The following CEP131 variants were observed in gnomAD, a reference collection of about 807,000 sequenced individuals.
The protein encoded by CEP131 is centrosomal protein of 131 kDa.
In CEP131, 99 loss-of-function variants were observed where a neutral mutation model predicts 136.8. The observed-to-expected ratio is 0.72, with a 90% confidence interval of 0.62 to 0.86. The LOEUF is 0.86. Among genes scored for constraint, CEP131 ranks in the 40% least tolerant of loss-of-function variants. The pLI is 0.00. For missense variants in CEP131, 1,459 were observed against 1,463.0 expected (o/e 1.00, Z 0.04); for synonymous variants, 646 against 612.7 (o/e 1.05, Z -0.80).
rs531414588 is a variant in CEP131, at chr17:81,192,224, A to G, written c.2622+94T>C. The stretch of plus-strand genomic sequence containing the variant: ...CCCAGAAACGAGCCCCCAGGATGCC[A>G]CAGCAGCAGCAAAACCCACCTGGGG... On this transcript the variant is annotated intron_variant, in intron 21 of 25. Coordinates refer to ENST00000450824, the MANE Select transcript of CEP131 (RefSeq NM_014984.4). 1.6e-4 allele frequency: 193 copies of G among 1,232,766 alleles called. No homozygotes were observed. In the East Asian group the frequency reaches 4.9e-3, roughly 31 times the overall value. 76.4% of individuals were successfully genotyped at this position (1,232,766 alleles called of 1,614,324 possible). A position where few individuals can be genotyped will look rare whatever the true frequency, so the allele number is the denominator to read the frequency against.
chr17:81,191,946 C>T (rs183912300), intron 21 of CEP131, among the ~76,000 whole-genome samples: 1 of 152,228 alleles, frequency 6.6e-6, no homozygotes, highest in South Asian at 2.1e-4. Flanking sequence ...GTCCACCCCC[C>T]ACAGAAGGCC....
chr17:81,212,203 A>C (rs1201440279), intron 2 of CEP131, among the ~76,000 whole-genome samples: 1 of 148,816 alleles, frequency 6.7e-6, no homozygotes, highest in Non-Finnish European at 1.5e-5. Context: ...CGCACCTGTA[A>C]TCCCAGCTAC....
In CEP131 at chr17:81,192,486, C is replaced by T. The variant is rs188391875; in HGVS notation, c.2537G>A (p.Arg846His). 52 of 1,611,728 alleles carry T rather than the reference C, an allele frequency of 3.2e-5. No individual in the cohort carries two copies. Among genetic ancestry groups the T allele is most frequent in the African/African-American group, 1.2e-4 (9 of 75,010 alleles). Reference protein sequence around the residue: ...EFEKGREEQERRHQMELNTLK... With the variant: ...EFEKGREEQEHRHQMELNTLK... Reference sequence around the variant, plus strand: ...CCTCCGGTGGTAGACCTGGTGCCGGCGCTCCTGCTCCTCCCTGCCCTTCTC... The same window carrying T: ...CCTCCGGTGGTAGACCTGGTGCCGGTGCTCCTGCTCCTCCCTGCCCTTCTC... Residue 846 changes from arginine (R) to histidine (H), a missense_variant, in exon 20 of 26, where the codon CGC (arginine) becomes CAC (histidine). Arg to His is a conservative substitution (Grantham distance 29). Coordinates refer to ENST00000450824, the MANE Select transcript of CEP131 (RefSeq NM_014984.4).
rs181232015 is a variant in CEP131, at chr17:81,202,038, T to C, written c.788+202A>G. On this transcript the variant is annotated intron_variant, in intron 7 of 25. Coordinates refer to ENST00000450824, the MANE Select transcript of CEP131 (RefSeq NM_014984.4). ...ATGGTGTGAACCCGGGAGGCAGAGC[T>C]TGCAGCGAGCAGAGATCGCGCCACT... Among the ~76,000 whole-genome samples the C allele has an allele frequency of 4.9e-3, 745 of 151,976 alleles. 20 individuals are homozygous for C. In the East Asian group the frequency reaches 0.063, roughly 13 times the overall value.
At chr17:81,191,476 A>C (rs1048397717) in intron 21 of CEP131, 141 bp from the exon 22 acceptor site, 2 of 744,066 alleles carry the variant, frequency 2.7e-6, no homozygotes. Flanking sequence ...ACCCCTGTCC[A>C]GGGGTGCGCT....
chr17:81,200,988 G>C (rs1407254337), intron 7 of CEP131, among the ~76,000 whole-genome samples: 2 of 152,314 alleles, frequency 1.3e-5, no homozygotes, highest in East Asian at 3.9e-4. Context: ...TCCACAGACA[G>C]CACTATACAC....
chr17:81,203,967 A>G lies in CEP131; in HGVS notation c.516-360T>C, dbSNP rs2061950183. On this transcript the variant is annotated intron_variant, in intron 5 of 25. Transcript: ENST00000450824. This position sits in a 1 kb window ranked among gnomAD's most constrained non-coding sequence, Gnocchi z 4.6. The stretch of plus-strand genomic sequence containing the variant: ...ATCCCACACGACGGATGGAAGCCAC[A>G]TTCTCTGCCTCTGCCCCTCCGCAGA... 4.4e-6 allele frequency: 1 copy of G among 224,726 alleles called. No individual in the cohort carries two copies. Among genetic ancestry groups the G allele is most frequent in the Non-Finnish European group, 8.9e-6 (1 of 112,292 alleles). The allele number at this position is 224,726 out of a possible 1,614,324, so 13.9% of individuals were successfully genotyped here.
At chr17:81,220,414 A>G (rs1598332671) in intron 1 of CEP131, among the ~76,000 whole-genome samples, 1 of 151,860 alleles carries the variant, frequency 6.6e-6, no homozygotes. Context: ...TCTGCCATCT[A>G]CCCCACACCG....
chr17:81,191,760 C>T (rs1417916860), intron 21 of CEP131, among the ~76,000 whole-genome samples: 3 of 152,308 alleles, frequency 2.0e-5, no homozygotes, highest in Admixed American at 6.5e-5. Context: ...CACAGGGCTA[C>T]GTCGGGAGCA....
chr17:81,222,410 A>G (rs2062407650), intron 1 of CEP131, among the ~76,000 whole-genome samples: 1 of 152,208 alleles, frequency 6.6e-6, no homozygotes, highest in Non-Finnish European at 1.5e-5. Context: ...CCCAGGGCTT[A>G]AGGCAGCCGG....
rs142556827 is a variant in CEP131, at chr17:81,197,608, G to A, written c.1647+104C>T. ...GGCGAGAGACCTCCTCCCCCTGGGG[G>A]CCAGGTGCGGGCTGGTGAGGGGCCT... On this transcript the variant is annotated intron_variant, in intron 13 of 25. Transcript: ENST00000450824. The A allele has an allele frequency of 1.2e-3, 1,802 of 1,447,206 alleles. 27 individuals are homozygous for A. In the African/African-American group the frequency reaches 0.024, roughly 19 times the overall value. 89.6% of individuals were successfully genotyped at this position (1,447,206 alleles called of 1,614,324 possible). A position where few individuals can be genotyped will look rare whatever the true frequency, so the allele number is the denominator to read the frequency against.
chr17:81,207,311 A>C, intron 3 of CEP131, 72 bp from the exon 4 acceptor site: 2 of 1,397,462 alleles, frequency 1.4e-6, no homozygotes, highest in Middle Eastern at 2.2e-4. Context: ...CACACAGACC[A>C]GGCAGGTCCC....
At chr17:81,194,823 C>A in intron 17 of CEP131, 47 bp downstream of exon 17, 1 of 1,494,744 alleles carries the variant, frequency 6.7e-7, no homozygotes, top group Non-Finnish European at 9.3e-7. Flanking sequence ...GCCCTGGCCG[C>A]AGCACCCACC....
At chr17:81,221,261 C>T (rs1284679136) in intron 1 of CEP131, among the ~76,000 whole-genome samples, 3 of 151,928 alleles carry the variant, frequency 2.0e-5, no homozygotes, top group African/African-American at 2.4e-5. Flanking sequence ...GGGGTTCTGA[C>T]GATCGATCGA....
chr17:81,192,382 T>C lies in CEP131; in HGVS notation c.2558A>G (p.Asn853Ser). Residue 853 changes from asparagine to serine, a missense_variant, in exon 21 of 26, where the codon AAT becomes AGT. Asn to Ser is a conservative substitution (Grantham distance 46). Coordinates refer to ENST00000450824, the MANE Select transcript of CEP131 (RefSeq NM_014984.4). ...CAGCTCCAGCTGCTGCTTCAGGGTA[T>C]TCAGCTCCATCTGGGGGGCGGACAT... ...EQERRHQMEL[N>S]TLKQQLELER... 9 of 1,605,402 alleles carry C rather than the reference T, an allele frequency of 5.6e-6. No individual in the cohort carries two copies. The highest frequency in any genetic ancestry group is 7.6e-6 in the Non-Finnish European group (9 of 1,177,206).
chr17:81,189,966 TGTC>T lies in CEP131; in HGVS notation c.3114_3116del (p.Thr1039del). 1 of 1,609,992 alleles carries T rather than the reference TGTC, an allele frequency of 6.2e-7. No individual in the cohort carries two copies. The highest frequency in any genetic ancestry group is 8.5e-7 in the Non-Finnish European group (1 of 1,177,608). ...CGGCCTCCTCCTTCCTCGCGAGGGC[TGTC>T]TTCACCCTGTGGGTAGTACATGGTA... is the stretch of plus-strand genomic sequence containing the variant. On this transcript the variant is annotated inframe_deletion, in exon 25 of 26. Transcript: ENST00000450824.
At chr17:81,200,607 AT>A (rs1169879576) in intron 7 of CEP131, among the ~76,000 whole-genome samples, 161 bp from the exon 8 acceptor site, 1 of 152,114 alleles carries the variant, frequency 6.6e-6, no homozygotes, top group African/African-American at 2.4e-5. Flanking sequence ...CCATTTTCAC[AT>A]GGCAGGACCA....
rs2466773 is a variant in CEP131, at chr17:81,200,421, T to C, written c.814A>G (p.Thr272Ala). The change falls in exon 8 of 26, where the codon ACT becomes GCT. Residue 272 changes from threonine to alanine, a missense_variant. By Grantham distance (58) the Thr-to-Ala change is moderately conservative (BLOSUM62 0). Coordinates refer to ENST00000450824, the MANE Select transcript of CEP131 (RefSeq NM_014984.4). The part of the protein sequence containing the change: ...ERFIHQVNQA[T>A]VTIQRWYRHQ... Reference sequence around the variant, plus strand: ...CGGTACCAGCGCTGGATGGTGACAGTGGCCTGGTTCACCTGGTGGATAAAC... The same window carrying C: ...CGGTACCAGCGCTGGATGGTGACAGCGGCCTGGTTCACCTGGTGGATAAAC... 1,500,589 of 1,552,686 alleles carry C rather than the reference T, an allele frequency of 0.97. 725,565 individuals carry two copies. Among genetic ancestry groups the C allele is most frequent in the Non-Finnish European group, 0.97 (1,117,498 of 1,148,610 alleles).
chr17:81,205,496 AGGTAGGAGGGGCAGGGGTGGGGAG>A (rs1343671491), intron 5 of CEP131, among the ~76,000 whole-genome samples: 71 of 3,316 alleles, frequency 0.021, no homozygotes, highest in Non-Finnish European at 0.025. Context: ...GCGGGAGGGG[AGGTAGGAGGGGCAGGGGTGGGGAG>A]GGTAGGAGGG....
Sources: gnomAD v4.1 joint callset for allele counts (sites outside exome capture counted in the v4.1 genomes callset) on GRCh38, gnomAD v4.1.1 for gene constraint, Gnocchi (gnomAD v3.1) non-coding constraint, MANE v1.5 for transcripts, NCBI Gene and HGNC (gene_info 2026-07-23, HGNC 2026-07-21) for gene names.